PLEKHA5: variants seen among roughly 807,000 people sequenced by gnomAD.
The protein encoded by PLEKHA5 is pleckstrin homology domain-containing family A member 5.
PLEKHA5 carries 55 observed loss-of-function variants against 181.9 expected under a neutral mutation model. The observed-to-expected ratio is 0.30, with a 90% CI of 0.24 to 0.38. The LOEUF is 0.38. Ranked by LOEUF, PLEKHA5 falls within the 10% of genes least tolerant of loss-of-function variation. The pLI is 1.00. For missense variants in PLEKHA5, 1,432 were observed against 1,549.5 expected (o/e 0.92, Z 1.27); for synonymous variants, 535 against 529.4 (o/e 1.01, Z -0.15).
At chr12:19,245,821 G>T (rs780014869) in intron 3 of PLEKHA5, among the ~76,000 whole-genome samples, 1 of 150,970 alleles carries the variant, frequency 6.6e-6, no homozygotes, top group Middle Eastern at 3.2e-3. Context: ...TTGGGCTTGA[G>T]AGGATGCCTA....
intron 20 of PLEKHA5, among the ~76,000 whole-genome samples, chr12:19,331,227 A>C (rs2092798763): frequency 6.6e-6 from 1 of 152,206 alleles, no homozygotes; most frequent in Non-Finnish European, 1.5e-5. Flanking sequence ...AGAGAAAACA[A>C]TTTGAGATTT....
At chr12:19,346,745 A>G (rs1347820574) in intron 23 of PLEKHA5, among the ~76,000 whole-genome samples, 3 of 152,186 alleles carry the variant, frequency 2.0e-5, no homozygotes, top group Non-Finnish European at 2.9e-5. Flanking sequence ...ATCTCTTTCA[A>G]TGTTGAGTTT....
chr12:19,238,011 G>A (rs1188612217), intron 3 of PLEKHA5, among the ~76,000 whole-genome samples: 3 of 151,544 alleles, frequency 2.0e-5, no homozygotes, highest in East Asian at 1.9e-4. Context: ...GCTATTTCTC[G>A]CATAATTGTT....
chr12:19,163,976 C>A (rs1366519615), intron 3 of PLEKHA5, among the ~76,000 whole-genome samples: 1 of 152,028 alleles, frequency 6.6e-6, no homozygotes, highest in Non-Finnish European at 1.5e-5. Context: ...AAGGGGTAAC[C>A]ATTATTCTTC....
At position 19,287,489 on chromosome 12, in the gene PLEKHA5, A is replaced by G; in HGVS notation, c.1796A>G (p.Asp599Gly). The G allele has an allele frequency of 6.2e-7, 1 of 1,610,116 alleles. No homozygotes were observed. The highest frequency in any genetic ancestry group is 8.5e-7 in the Non-Finnish European group (1 of 1,177,376). The change falls in exon 13 of 32, where the codon GAC becomes GGC. Residue 599 changes from aspartate to glycine, a missense_variant. By Grantham distance (94) the Asp-to-Gly change is moderately conservative. Around this residue, in one of 2 missense-constraint regions of PLEKHA5, gnomAD observed 1,143 missense variants for 1,168.4 expected, o/e 0.98. Transcript: ENST00000429027. The stretch of plus-strand genomic sequence containing the variant: ...CTTTCCTAGCATGTCTATGTGCCTG[A>G]CAGAAGGTCAGTGCCAGCTGGCCTG... ...AHHPKHVYVP[D>G]RRSVPAGLTL...
chr12:19,272,338 G>A (rs1292653479), intron 10 of PLEKHA5, among the ~76,000 whole-genome samples: 1 of 152,014 alleles, frequency 6.6e-6, no homozygotes, highest in Admixed American at 6.6e-5. Flanking sequence ...TTCTGAGTCA[G>A]CTTTGTTCCA....
chr12:19,297,579 G>A (rs1300088867), intron 15 of PLEKHA5, among the ~76,000 whole-genome samples: 6 of 143,608 alleles, frequency 4.2e-5, no homozygotes, highest in Admixed American at 2.9e-4. Flanking sequence ...CCGAGATTGC[G>A]CCACTGCAGT....
intron 20 of PLEKHA5, among the ~76,000 whole-genome samples, chr12:19,327,252 T>G (rs1565621343): frequency 6.7e-6 from 1 of 149,884 alleles, no homozygotes; most frequent in African/African-American, 2.4e-5. Flanking sequence ...TTTTTGTTTT[T>G]TTTTTTTTTT....
intron 14 of PLEKHA5, among the ~76,000 whole-genome samples, chr12:19,291,277 CA>C (rs988754418): frequency 6.6e-6 from 1 of 151,966 alleles, no homozygotes; most frequent in African/African-American, 2.4e-5. Flanking sequence ...AACCGTTTCT[CA>C]AAGGGTTTAT....
At chr12:19,184,349 T>C (rs1025004824) in intron 3 of PLEKHA5, among the ~76,000 whole-genome samples, 1 of 152,166 alleles carries the variant, frequency 6.6e-6, no homozygotes, top group South Asian at 2.1e-4. Flanking sequence ...TTAATAAAAA[T>C]GAATCCCTCT....
intron 3 of PLEKHA5, among the ~76,000 whole-genome samples, chr12:19,242,779 A>G (rs1327873896): frequency 1.3e-5 from 2 of 152,304 alleles, no homozygotes; most frequent in Non-Finnish European, 2.9e-5. Flanking sequence ...GGTTTAAGTC[A>G]TCTCTTCTGA....
At chr12:19,229,354 G>T (rs2060124001) in intron 3 of PLEKHA5, among the ~76,000 whole-genome samples, 1 of 152,118 alleles carries the variant, frequency 6.6e-6, no homozygotes, top group Non-Finnish European at 1.5e-5. Context: ...TCTTAAAGGT[G>T]GCGTGTCCAG....
intron 3 of PLEKHA5, among the ~76,000 whole-genome samples, chr12:19,167,034 A>T (rs1222871444): frequency 2.6e-5 from 4 of 152,200 alleles, no homozygotes; most frequent in Non-Finnish European, 5.9e-5. Context: ...CTTCATTAGC[A>T]AACTAATACT....
At chr12:19,358,145 A>G in intron 26 of PLEKHA5, 83 bp from the exon 27 acceptor site, 1 of 895,846 alleles carries the variant, frequency 1.1e-6, no homozygotes, top group Non-Finnish European at 1.7e-6. Context: ...AAATAAATAA[A>G]TGCACTTTAC....
At chr12:19,366,676 G>A (rs1263148434) in intron 30 of PLEKHA5, among the ~76,000 whole-genome samples, 1 of 152,020 alleles carries the variant, frequency 6.6e-6, no homozygotes, top group East Asian at 1.9e-4. Context: ...AAATCTTTCA[G>A]TACTTGGAAA....
At chr12:19,162,444 T>C (rs2043176462) in intron 3 of PLEKHA5, among the ~76,000 whole-genome samples, 1 of 152,196 alleles carries the variant, frequency 6.6e-6, no homozygotes, top group African/African-American at 2.4e-5. Context: ...TTACATACAT[T>C]AATTTTAGAT....
At chr12:19,339,699 A>G (rs1477379751) in intron 21 of PLEKHA5, among the ~76,000 whole-genome samples, 1 of 152,178 alleles carries the variant, frequency 6.6e-6, no homozygotes, top group African/African-American at 2.4e-5. Flanking sequence ...TCAAAAAAAA[A>G]TAAAAGAATG....
intron 11 of PLEKHA5, among the ~76,000 whole-genome samples, chr12:19,282,943 C>A (rs1276580555): frequency 6.6e-6 from 1 of 151,758 alleles, no homozygotes; most frequent in Non-Finnish European, 1.5e-5. Flanking sequence ...TGCTTGTAAT[C>A]CCAGCACTTT....
intron 18 of PLEKHA5, 141 bp from the exon 19 acceptor site, chr12:19,322,169 T>G (rs1301622446): frequency 1.7e-6 from 1 of 604,904 alleles, no homozygotes; most frequent in Non-Finnish European, 2.9e-6. Context: ...GCATGCCTAT[T>G]TTTTAAGGAT....
Sources: allele counts gnomAD v4.1 joint callset (sites outside exome capture counted in the v4.1 genomes callset), GRCh38; gene constraint gnomAD v4.1.1; regional missense constraint gnomAD v4.1.1; transcripts MANE v1.5; gene names NCBI Gene and HGNC (gene_info 2026-07-23, HGNC 2026-07-21).